DYNC1H1: variants seen among roughly 807,000 people sequenced by gnomAD.
DYNC1H1 encodes cytoplasmic dynein 1 heavy chain 1.
A neutral mutation model predicts 527.1 loss-of-function variants in DYNC1H1; 51 were observed. That is an observed-to-expected ratio of 0.10 (90% CI 0.08 to 0.12). The LOEUF (loss-of-function observed/expected upper bound fraction) is 0.12, where lower values mean the gene tolerates loss of function less well. Among genes scored for constraint, DYNC1H1 ranks in the 10% least tolerant of loss-of-function variants. The pLI is 1.00. For synonymous variants in DYNC1H1, 2,189 were observed against 2,278.8 expected (o/e 0.96, Z 1.12); for missense variants, 2,771 against 5,971.8 (o/e 0.46, Z 17.66).
chr14:101,989,551 G>A (rs2047973083), intron 10 of DYNC1H1, among the ~76,000 whole-genome samples: 1 of 152,226 alleles, frequency 6.6e-6, no homozygotes, highest in African/African-American at 2.4e-5. Context: ...CTTACAGTAA[G>A]TGTTTATAGT....
chr14:102,000,300 A>T lies in DYNC1H1; in HGVS notation c.3975A>T (p.Glu1325Asp). 1 of 1,614,170 alleles carries T rather than the reference A, an allele frequency of 6.2e-7. No homozygotes were observed. Among genetic ancestry groups the T allele is most frequent in the Non-Finnish European group, 8.5e-7 (1 of 1,180,044 alleles). The change falls in exon 18 of 78, where the codon GAA (glutamate) becomes GAT (aspartate). Residue 1325 changes from glutamate to aspartate, a missense_variant. Glu to Asp is a conservative substitution (Grantham distance 45). Around this residue, in one of 32 missense-constraint regions of DYNC1H1, gnomAD observed 223 missense variants for 462.5 expected, o/e 0.48. Coordinates refer to ENST00000360184, the MANE Select transcript of DYNC1H1 (RefSeq NM_001376.5). Reference sequence around the variant, plus strand: ...CTCAATCGCAGGTGGCCTTAGAAGAATTACAGGACCTCAAAGGCGTTTGGT... The same window carrying T: ...CTCAATCGCAGGTGGCCTTAGAAGATTTACAGGACCTCAAAGGCGTTTGGT... ...SEERVQVALE[E>D]LQDLKGVWSE... is the part of the protein sequence containing the mutation.
chr14:101,965,632 A>G lies in DYNC1H1; in HGVS notation c.256+685A>G, dbSNP rs571039412. Among the ~76,000 whole-genome samples, 10 of 152,172 alleles carry G rather than the reference A, an allele frequency of 6.6e-5. No individual in the cohort carries two copies. In the South Asian group the frequency reaches 1.7e-3, roughly 25 times the overall value. The stretch of plus-strand genomic sequence containing the variant: ...CGGGTGTATCCTGATTTTACACCTG[A>G]GGAAACTGAGGCTCAGGTTAAGTGA... On this transcript the variant is annotated intron_variant, in intron 1 of 77. Transcript: ENST00000360184. The surrounding 1 kb of genome is among the most constrained non-coding windows in gnomAD (Gnocchi z 4.1).
intron 5 of DYNC1H1, among the ~76,000 whole-genome samples, chr14:101,982,596 AAAT>A (rs1015369318): frequency 3.6e-4 from 55 of 152,122 alleles, no homozygotes; most frequent in Non-Finnish European, 8.8e-5. Context: ...CGTCTCAAAA[AAAT>A]AAAATAATAG....
rs1286457064 is a variant in DYNC1H1 at position 101,966,532 on chromosome 14, C to T, written c.256+1585C>T. On this transcript the variant is annotated intron_variant, in intron 1 of 77. Transcript: ENST00000360184. Reference sequence around the variant, plus strand: ...TGTTTGACCCAGATATAATCACTGTCAGCATTTTTGGTTTATGTCTTTGTG... The same window carrying T: ...TGTTTGACCCAGATATAATCACTGTTAGCATTTTTGGTTTATGTCTTTGTG... Among the ~76,000 whole-genome samples, 4 of 151,682 alleles carry T rather than the reference C, an allele frequency of 2.6e-5. No homozygotes were observed. The East Asian group carries it at 7.7e-4, about 29-fold the overall frequency.
At chr14:101,975,364 T>A (rs1170111049) in intron 1 of DYNC1H1, among the ~76,000 whole-genome samples, 2 of 152,234 alleles carry the variant, frequency 1.3e-5, no homozygotes, top group Non-Finnish European at 2.9e-5. Flanking sequence ...GCACAATGAA[T>A]GAGCTTCCTG....
chr14:102,022,941 C>T (rs770714750), intron 43 of DYNC1H1, 61 bp downstream of exon 43: 10 of 1,610,532 alleles, frequency 6.2e-6, no homozygotes, highest in Non-Finnish European at 8.5e-6. Context: ...CTAACACTAA[C>T]GAATTCTAAC....
At chr14:102,023,067 A>G (rs2048405107) in intron 43 of DYNC1H1, 187 bp downstream of exon 43, 1 of 923,858 alleles carries the variant, frequency 1.1e-6, no homozygotes. Context: ...GTTTGAGACC[A>G]GCCTGGGCAA....
At position 101,992,621 on chromosome 14, in the gene DYNC1H1, G is replaced by A. The variant is rs529266245; in HGVS notation, c.3015+948G>A. ...CTGGGTCTTCTTTCAGCACCTAAAC[G>A]GGACCCCATGTCCCCTGCAATCTTC... On this transcript the variant is annotated intron_variant, in intron 11 of 77. Coordinates refer to ENST00000360184, the MANE Select transcript of DYNC1H1 (RefSeq NM_001376.5). Among the ~76,000 whole-genome samples the A allele has an allele frequency of 3.3e-5, 5 of 152,038 alleles. No homozygotes were observed. In the East Asian group the frequency reaches 5.8e-4, roughly 18 times the overall value.
At position 102,015,581 on chromosome 14, in the gene DYNC1H1, G is replaced by T. The variant is rs571850919; in HGVS notation, c.7242+249G>T. Among the ~76,000 whole-genome samples, 1 of 152,216 alleles carries T rather than the reference G, an allele frequency of 6.6e-6. No homozygotes were observed. Among genetic ancestry groups the T allele is most frequent in the Non-Finnish European group, 1.5e-5 (1 of 68,046 alleles). On this transcript the variant is annotated intron_variant, in intron 35 of 77. Transcript: ENST00000360184. The surrounding 1 kb of genome is among the most constrained non-coding windows in gnomAD (Gnocchi z 6.9). ...AGCAGCTACAAATGTTAAAAGTCAC[G>T]TATGGGAAAATTTAAAGAATTCTTT...
rs149806996 is a variant in DYNC1H1 at position 102,039,182 on chromosome 14, C to T, written c.11388C>T (p.Thr3796=). The T allele has an allele frequency of 3.3e-5, 53 of 1,614,014 alleles. No individual in the cohort carries two copies. Among genetic ancestry groups the T allele is most frequent in the Non-Finnish European group, 4.1e-5 (48 of 1,180,032 alleles). The change falls in exon 60 of 78, where the codon ACC becomes ACT. Residue 3796 remains threonine, a synonymous_variant. Coordinates refer to ENST00000360184, the MANE Select transcript of DYNC1H1 (RefSeq NM_001376.5). This position sits in a 1 kb window ranked among gnomAD's most constrained non-coding sequence, Gnocchi z 7.0. ...ETDIVMQEVE[T]VSQQYLPLST... ...ACATTGTCATGCAGGAGGTGGAGAC[C>T]GTGTCCCAGCAGTACCTCCCGCTCT...
At position 102,039,864 on chromosome 14, in the gene DYNC1H1, G is replaced by A; in HGVS notation, c.11690+132G>A. ...TCTTTATTTTATTTTTTGAGACGGA[G>A]TCTCCCTTTGTTGCCTAGGCTGGAG... is the stretch of plus-strand genomic sequence containing the variant. On this transcript the variant is annotated intron_variant, in intron 62 of 77. Transcript: ENST00000360184. This position sits in a 1 kb window ranked among gnomAD's most constrained non-coding sequence, Gnocchi z 7.0. 8.2e-7 allele frequency: 1 copy of A among 1,216,462 alleles called. No homozygotes were observed. Among genetic ancestry groups the A allele is most frequent in the Middle Eastern group, 2.7e-4 (1 of 3,668 alleles). The allele number at this position is 1,216,462 out of a possible 1,614,324, so 75.4% of individuals were successfully genotyped here.
intron 43 of DYNC1H1, among the ~76,000 whole-genome samples, chr14:102,023,963 G>C (rs1359442748): frequency 1.3e-5 from 2 of 152,180 alleles, no homozygotes; most frequent in African/African-American, 2.4e-5. Flanking sequence ...AAAATAGGCT[G>C]CGGTTACAGC....
chr14:102,021,843 T>A (rs1347091915), intron 42 of DYNC1H1, among the ~76,000 whole-genome samples: 1 of 151,920 alleles, frequency 6.6e-6, no homozygotes, highest in Non-Finnish European at 1.5e-5. Context: ...ATATTTTTAG[T>A]AGAGACAGGG....
chr14:101,988,200 A>G (rs2047957433), intron 9 of DYNC1H1, among the ~76,000 whole-genome samples: 1 of 152,090 alleles, frequency 6.6e-6, no homozygotes, highest in African/African-American at 2.4e-5. Flanking sequence ...ATAACTTCCT[A>G]TTTGTCCTTC....
Position 101,988,925 on chromosome 14 carries a change from G to GA in DYNC1H1, c.2868+76dup, listed in dbSNP as rs148554171. 1,728 of 1,591,732 alleles carry GA rather than the reference G, an allele frequency of 1.1e-3. 18 individuals carry two copies. In the African/African-American group the frequency reaches 0.022, roughly 20 times the overall value. On this transcript the variant is annotated intron_variant, in intron 10 of 77. Transcript: ENST00000360184. The stretch of plus-strand genomic sequence containing the variant: ...ACTCTCTCGTTAAAAAACACCTATG[G>GA]AAAGGTCACTTAGTGTGGACACCTG...
At position 102,050,702 on chromosome 14, in the gene DYNC1H1, G is replaced by A; in HGVS notation, c.*139G>A. The A allele has an allele frequency of 7.3e-7, 1 of 1,373,198 alleles. No homozygotes were observed. The highest frequency in any genetic ancestry group is 1.0e-6 in the Non-Finnish European group (1 of 987,582). 85.1% of individuals were successfully genotyped at this position (1,373,198 alleles called of 1,614,324 possible). On this transcript the variant is annotated 3_prime_UTR_variant, in exon 78 of 78. Coordinates refer to ENST00000360184, the MANE Select transcript of DYNC1H1 (RefSeq NM_001376.5). ...GGAGGAAGCTGAATGGAATCTGACGGTTGGGAGTGGTGGAAATTGGAAGGA... is the reference window on the plus strand; with the variant it reads ...GGAGGAAGCTGAATGGAATCTGACGATTGGGAGTGGTGGAAATTGGAAGGA...
intron 16 of DYNC1H1, 30 bp from the exon 17 acceptor site, chr14:101,999,945 CTGAGACATTGTGCT>C: frequency 1.2e-6 from 2 of 1,613,732 alleles, no homozygotes; most frequent in Non-Finnish European, 1.7e-6. Flanking sequence ...CTCATCTCTC[CTGAGACATTGTGCT>C]CCAATTCTCT....
At position 102,016,053 on chromosome 14, in the gene DYNC1H1, C is replaced by T; in HGVS notation, c.7440C>T (p.Pro2480=). 7 of 1,612,954 alleles carry T rather than the reference C, an allele frequency of 4.3e-6. No individual in the cohort carries two copies. Among genetic ancestry groups the T allele is most frequent in the Non-Finnish European group, 5.1e-6 (6 of 1,179,738 alleles). ...AQYNANHPDF[P]MQIEQLERYI... ...ATAACGCCAACCATCCCGACTTCCC[C>T]ATGCAGATCGAGCAGCTGGAGCGCT... Residue 2480 remains proline (P), a synonymous_variant, in exon 36 of 78, where the codon CCC becomes CCT. Transcript: ENST00000360184. The surrounding 1 kb of genome is among the most constrained non-coding windows in gnomAD (Gnocchi z 7.3).
At position 102,032,688 on chromosome 14, in the gene DYNC1H1, C is replaced by T. The variant is rs1263363278; in HGVS notation, c.10079+221C>T. On this transcript the variant is annotated intron_variant, in intron 52 of 77. Coordinates refer to ENST00000360184, the MANE Select transcript of DYNC1H1 (RefSeq NM_001376.5). ...GCTACATGGCGACACCCTGTCTCTA[C>T]AAAAAAATACAAAAATGAGCTGGGC... The T allele has an allele frequency of 2.2e-5, 14 of 622,684 alleles. No individual in the cohort carries two copies. The South Asian group carries it at 2.5e-4, about 11-fold the overall frequency. 38.6% of individuals were successfully genotyped at this position (622,684 alleles called of 1,614,324 possible).
Sources: allele counts gnomAD v4.1 joint callset (sites outside exome capture counted in the v4.1 genomes callset), GRCh38; gene constraint gnomAD v4.1.1; regional missense constraint gnomAD v4.1.1; non-coding constraint Gnocchi (gnomAD v3.1); transcripts MANE v1.5; gene names NCBI Gene and HGNC (gene_info 2026-07-23, HGNC 2026-07-21).